The following TREH variants were observed in gnomAD, a reference collection of about 807,000 sequenced individuals.
The protein encoded by TREH is alpha,alpha-trehalose glucohydrolase.
Under a neutral mutation model 80.5 loss-of-function variants are expected in TREH, and 69 were observed. That is an observed-to-expected ratio of 0.86 (90% CI 0.71 to 1.05). The LOEUF is 1.05. TREH is among the 50% of genes least tolerant of loss of function. TREH has a pLI of 0.00. For missense variants in TREH, 716 were observed against 718.8 expected (o/e 1.00, Z 0.04); for synonymous variants, 309 against 293.5 (o/e 1.05, Z -0.54).
At position 118,658,907 on chromosome 11, in the gene TREH, T is replaced by A. The variant is rs1407448023; in HGVS notation, c.1543A>T (p.Lys515Ter). ...AGGGAGGGCTTGGGCCAGCTCACCT[T>A]CTCATACATGGCTGACTTCTGCGAG... ...VYSQKSAMYE[K>*]YDVSNGGQPG... Residue 515 changes from lysine (K) to a stop codon, truncating the protein, a stop_gained and splice_region_variant, in exon 13 of 15, where the codon AAG becomes TAG. Coordinates refer to ENST00000264029, the MANE Select transcript of TREH (RefSeq NM_007180.3). LOFTEE classifies it high-confidence loss of function. 2.5e-6 allele frequency: 4 copies of A among 1,613,728 alleles called. No individual in the cohort carries two copies. Among genetic ancestry groups the A allele is most frequent in the Admixed American group, 3.3e-5 (2 of 59,990 alleles).
intron 1 of TREH, among the ~76,000 whole-genome samples, chr11:118,672,732 A>G (rs1395618536): frequency 2.6e-5 from 4 of 151,418 alleles, no homozygotes; most frequent in Admixed American, 6.6e-5. Flanking sequence ...AAAAAAAAAA[A>G]AAAAGAAATC....
rs1555145286 is a variant in TREH at position 118,663,059 on chromosome 11, T to C, written c.328A>G (p.Lys110Glu). 1.2e-6 allele frequency: 2 copies of C among 1,613,522 alleles called. No individual in the cohort carries two copies. Among genetic ancestry groups the C allele is most frequent in the South Asian group, 2.2e-5 (2 of 91,066 alleles). The change falls in exon 3 of 15, where the codon AAA becomes GAA. Residue 110 changes from lysine to glutamate, a missense_variant. By Grantham distance (56) the Lys-to-Glu change is moderately conservative. Transcript: ENST00000264029. Reference protein sequence around the residue: ...ELQPWTPADWKDSPQFLQKIS... With the variant: ...ELQPWTPADWEDSPQFLQKIS... ...CCCCTTCCAGAGTCATACCTGTCTT[T>C]CCAGTCTGCAGGGGTCCAGGGCTGC...
intron 1 of TREH, among the ~76,000 whole-genome samples, chr11:118,666,411 G>A (rs568686694): frequency 9.2e-5 from 14 of 152,228 alleles, no homozygotes; most frequent in African/African-American, 3.4e-4. Flanking sequence ...GCCTGAAAGG[G>A]GGAAGCCATG....
At chr11:118,673,971 T>C (rs146104033) in intron 1 of TREH, among the ~76,000 whole-genome samples, 1,727 of 152,260 alleles carry the variant, frequency 0.011, 27 homozygotes, top group African/African-American at 0.035. Context: ...CTAACAACTC[T>C]TTGAGTGGGT....
rs147594703 is a variant in TREH, at chr11:118,676,054, C to T, written c.89+3485G>A. On this transcript the variant is annotated intron_variant, in intron 1 of 14. Coordinates refer to ENST00000264029, the MANE Select transcript of TREH (RefSeq NM_007180.3). ...GTTTTTATTGGGGTTTCATGACATA[C>T]GCATGATTGATTGAATCATTGATCA... Among the ~76,000 whole-genome samples the T allele has an allele frequency of 3.0e-4, 45 of 152,288 alleles. No individual in the cohort carries two copies. In the East Asian group the frequency reaches 6.2e-3, roughly 21 times the overall value.
Position 118,660,529 on chromosome 11 carries a change from G to A in TREH, c.1102+10C>T. On this transcript the variant is annotated intron_variant, in intron 10 of 14. Coordinates refer to ENST00000264029, the MANE Select transcript of TREH (RefSeq NM_007180.3). ...GCTCCCTGCTTTCCCTTCCCTACTG[G>A]GGTGCTCACCCAGCCTGGAATAGAA... The A allele has an allele frequency of 6.3e-7, 1 of 1,589,314 alleles. No homozygotes were observed.
chr11:118,671,508 A>G (rs1949429383), intron 1 of TREH, among the ~76,000 whole-genome samples: 1 of 152,142 alleles, frequency 6.6e-6, no homozygotes, highest in African/African-American at 2.4e-5. Context: ...AAGAGAAAAT[A>G]AAAAACAAAG....
In TREH at chr11:118,658,391, A is replaced by G; in HGVS notation, c.1650T>C (p.Tyr550=). 3 of 1,610,378 alleles carry G rather than the reference A, an allele frequency of 1.9e-6. No individual in the cohort carries two copies. The highest frequency in any genetic ancestry group is 2.5e-6 in the Non-Finnish European group (3 of 1,178,976). The stretch of plus-strand genomic sequence containing the variant: ...TGGCCCCTGAGGTCAGCCGGTCACC[A>G]TAGCGGTCCAGCAGCATCAGGACCA... ...NGVVLMLLDR[Y]GDRLTSGAKL... Residue 550 remains tyrosine (Y), a synonymous_variant, in exon 15 of 15, where the codon TAT becomes TAC. Coordinates refer to ENST00000264029, the MANE Select transcript of TREH (RefSeq NM_007180.3).
Position 118,657,648 on chromosome 11 carries a change from ATGG to A in TREH, c.*638_*640del. On this transcript the variant is annotated 3_prime_UTR_variant, in exon 15 of 15. Coordinates refer to ENST00000264029, the MANE Select transcript of TREH (RefSeq NM_007180.3). ...CAGAAGGGATGAAGCCGGGGGATCTATGGAACAGAGGAGGAGCGATGCAGTTGG... is the reference window on the plus strand; with the variant it reads ...CAGAAGGGATGAAGCCGGGGGATCTAAACAGAGGAGGAGCGATGCAGTTGG... 1 of 153,708 alleles carries A rather than the reference ATGG, an allele frequency of 6.5e-6. No individual in the cohort carries two copies. Among genetic ancestry groups the A allele is most frequent in the Non-Finnish European group, 1.5e-5 (1 of 68,778 alleles). The allele number at this position is 153,708 out of a possible 1,614,324, so 9.5% of individuals were successfully genotyped here. A position where few individuals can be genotyped will look rare whatever the true frequency, so the allele number is the denominator to read the frequency against.
intron 1 of TREH, among the ~76,000 whole-genome samples, chr11:118,669,455 G>A (rs781912570): frequency 3.3e-5 from 5 of 152,178 alleles, no homozygotes; most frequent in Non-Finnish European, 7.3e-5. Flanking sequence ...AGTGTCCATC[G>A]ACTGATGAAT....
In TREH at chr11:118,679,330, T is replaced by TAAC. The variant is rs371138267; in HGVS notation, c.89+206_89+208dup. Among the ~76,000 whole-genome samples the TAAC allele has an allele frequency of 1.9e-4, 29 of 152,108 alleles. 1 individual carries two copies. Among genetic ancestry groups the TAAC allele is most frequent in the African/African-American group, 6.3e-4 (26 of 41,492 alleles). On this transcript the variant is annotated intron_variant, in intron 1 of 14. Transcript: ENST00000264029. The stretch of plus-strand genomic sequence containing the variant: ...CCATCTGGACGACCGAGCAAGACTC[T>TAAC]AACAACAACAACAAAAAAAACGGAC...
chr11:118,669,874 C>T (rs980747570), intron 1 of TREH, among the ~76,000 whole-genome samples: 3 of 151,988 alleles, frequency 2.0e-5, no homozygotes, highest in East Asian at 3.8e-4. Flanking sequence ...TTGTTTGTAA[C>T]ACAAAGGATA....
rs782047232 is a variant in TREH at position 118,663,060 on chromosome 11, C to T, written c.327G>A (p.Trp109Ter). 6.2e-7 allele frequency: 1 copy of T among 1,613,608 alleles called. No homozygotes were observed. The highest frequency in any genetic ancestry group is 8.5e-7 in the Non-Finnish European group (1 of 1,179,618). Residue 109 changes from tryptophan (W) to a stop codon, truncating the protein, a stop_gained, in exon 3 of 15, where the codon TGG becomes TGA. Coordinates refer to ENST00000264029, the MANE Select transcript of TREH (RefSeq NM_007180.3). LOFTEE classifies it high-confidence loss of function. ...CCCTTCCAGAGTCATACCTGTCTTT[C>T]CAGTCTGCAGGGGTCCAGGGCTGCA... ...QELQPWTPAD[W>*]KDSPQFLQKI...
At chr11:118,666,052 A>G (rs1360228623) in intron 1 of TREH, among the ~76,000 whole-genome samples, 4 of 152,198 alleles carry the variant, frequency 2.6e-5, no homozygotes, top group Non-Finnish European at 5.9e-5. Flanking sequence ...CCTGGCCAAC[A>G]TGGCAACACC....
intron 4 of TREH, 174 bp downstream of exon 4, chr11:118,662,707 C>T: frequency 4.4e-6 from 3 of 679,150 alleles, no homozygotes; most frequent in Non-Finnish European, 7.4e-6. Flanking sequence ...AGATGCTGCC[C>T]TTCTGACCTC....
At chr11:118,669,038 G>C (rs1318575281) in intron 1 of TREH, among the ~76,000 whole-genome samples, 1 of 152,086 alleles carries the variant, frequency 6.6e-6, no homozygotes, top group African/African-American at 2.4e-5. Context: ...ATTCCCTTAA[G>C]TAAGAAAAGA....
chr11:118,659,409 G>A lies in TREH; in HGVS notation c.1393C>T (p.Pro465Ser). The change falls in exon 12 of 15, where the codon CCC (proline) becomes TCC (serine). Residue 465 changes from proline (P) to serine (S), a missense_variant. Transcript: ENST00000264029. ...LQKTGQQWDF[P>S]NAWAPLQDLV... ...TCCTGCAGGGGGGCCCAGGCATTGG[G>A]GAAATCCCACTGCTGGCCTGTCTTC... The A allele has an allele frequency of 3.1e-6, 5 of 1,605,132 alleles. No individual in the cohort carries two copies. Among genetic ancestry groups the A allele is most frequent in the Non-Finnish European group, 4.3e-6 (5 of 1,175,502 alleles).
At chr11:118,667,363 G>A (rs993234210) in intron 1 of TREH, among the ~76,000 whole-genome samples, 10 of 145,916 alleles carry the variant, frequency 6.9e-5, no homozygotes, top group African/African-American at 2.6e-4. Context: ...TATTTTTTTT[G>A]TAGAGACAGG....
Position 118,661,178 on chromosome 11 carries a change from A to G in TREH, c.839T>C (p.Val280Ala), listed in dbSNP as rs782335589. Residue 280 changes from valine (V) to alanine (A), a missense_variant, in exon 8 of 15, where the codon GTC (valine) becomes GCC (alanine). Coordinates refer to ENST00000264029, the MANE Select transcript of TREH (RefSeq NM_007180.3). This position sits in a 1 kb window ranked among gnomAD's most constrained non-coding sequence, Gnocchi z 4.2. ...GKNYLLNRYY[V>A]PYGGPRPESY... is the part of the protein sequence containing the mutation. ...TCCTCACCTGGGTCCCCCATAAGGGACATAATAGCGATTCAGGAGGTAGTT... is the reference window on the plus strand; with the variant it reads ...TCCTCACCTGGGTCCCCCATAAGGGGCATAATAGCGATTCAGGAGGTAGTT... The G allele has an allele frequency of 1.9e-5, 31 of 1,613,776 alleles. No homozygotes were observed. The highest frequency in any genetic ancestry group is 8.8e-5 in the South Asian group (8 of 91,086).
Sources: gnomAD v4.1 joint callset for allele counts (sites outside exome capture counted in the v4.1 genomes callset) on GRCh38, gnomAD v4.1.1 for gene constraint, Gnocchi (gnomAD v3.1) non-coding constraint, MANE v1.5 for transcripts, NCBI Gene and HGNC (gene_info 2026-07-23, HGNC 2026-07-21) for gene names.